GARIN1A: variants seen among roughly 807,000 people sequenced by gnomAD.
The protein encoded by GARIN1A is Golgi-associated RAB2 interactor protein 1A.
At chr7:128,674,477 TA>T in the GARIN1A span, among the ~76,000 whole-genome samples, 1 of 152,098 alleles carries the variant, frequency 6.6e-6, no homozygotes, top group African/African-American at 2.4e-5. Flanking sequence ...TTATAGTTGT[TA>T]TAGTACAGTT....
the GARIN1A span, among the ~76,000 whole-genome samples, chr7:128,693,231 A>G: frequency 6.6e-6 from 1 of 152,258 alleles, no homozygotes; most frequent in Non-Finnish European, 1.5e-5. Flanking sequence ...CCAGAAACAC[A>G]CCATATATCC....
the GARIN1A span, among the ~76,000 whole-genome samples, chr7:128,672,921 G>C: frequency 0.27 from 41,206 of 152,150 alleles, 5,943 homozygotes; most frequent in East Asian, 0.54. Flanking sequence ...ATCCTCCTCA[G>C]TCTGGGATGG....
At chr7:128,677,998 G>C in the GARIN1A span, 40 of 316,506 alleles carry the variant, frequency 1.3e-4, no homozygotes, top group Non-Finnish European at 1.6e-4. Context: ...CTAATATTAA[G>C]ACATTTAGAA....
the GARIN1A span, among the ~76,000 whole-genome samples, chr7:128,707,411 C>T: frequency 6.6e-6 from 1 of 152,090 alleles, no homozygotes; most frequent in African/African-American, 2.4e-5. Context: ...CTCATCTTCA[C>T]CTCCCTACCC....
At chr7:128,701,368 AG>A in the GARIN1A span, among the ~76,000 whole-genome samples, 2 of 19,856 alleles carry the variant, frequency 1.0e-4, no homozygotes, top group Non-Finnish European at 1.8e-4. Context: ...AGGGGAGGGG[AG>A]GGGAAGGGGA....
At chr7:128,675,964 C>A in the GARIN1A span, 1 of 737,658 alleles carries the variant, frequency 1.4e-6, no homozygotes, top group South Asian at 1.7e-5. Flanking sequence ...TTCTTTAGTG[C>A]ATAAACCCTG....
the GARIN1A span, among the ~76,000 whole-genome samples, chr7:128,699,990 C>T: frequency 6.6e-5 from 10 of 152,176 alleles, no homozygotes; most frequent in African/African-American, 2.4e-4. Flanking sequence ...GGTTTAAAGT[C>T]CATTTGACTA....
chr7:128,681,222 C>T, the GARIN1A span, among the ~76,000 whole-genome samples: 2 of 152,258 alleles, frequency 1.3e-5, no homozygotes, highest in South Asian at 4.1e-4. Context: ...ATTAAAATAT[C>T]TAATGTCTGA....
At chr7:128,677,868 T>A in the GARIN1A span, 20 of 1,423,796 alleles carry the variant, frequency 1.4e-5, no homozygotes, top group Non-Finnish European at 1.9e-5. Context: ...TAAGTATATA[T>A]GTAAGTGTCT....
At chr7:128,679,969 C>T in the GARIN1A span, 1 of 980,566 alleles carries the variant, frequency 1.0e-6, no homozygotes, top group Non-Finnish European at 1.5e-6. Flanking sequence ...AAGTTCTACC[C>T]CGAGGAGGCC....
chr7:128,683,382 G>A, the GARIN1A span: 1 of 380,370 alleles, frequency 2.6e-6, no homozygotes, highest in Non-Finnish European at 4.6e-6. Flanking sequence ...GAGAACAGGA[G>A]CAGTTTTTGG....
chr7:128,678,937 CATAT>C, the GARIN1A span, among the ~76,000 whole-genome samples: 1 of 150,570 alleles, frequency 6.6e-6, no homozygotes, highest in Admixed American at 6.7e-5. Context: ...TTGTTGCATA[CATAT>C]ATACATATGT....
the GARIN1A span, chr7:128,676,002 A>G: frequency 8.0e-6 from 5 of 624,620 alleles, no homozygotes; most frequent in South Asian, 1.0e-4. Flanking sequence ...TTTGTTTAGC[A>G]ACGATTTATT....
At chr7:128,675,710 A>C in the GARIN1A span, 1 of 1,613,832 alleles carries the variant, frequency 6.2e-7, no homozygotes, top group South Asian at 1.1e-5. Flanking sequence ...ATGTCTGTGA[A>C]GGGTCTGCCA....
the GARIN1A span, among the ~76,000 whole-genome samples, chr7:128,697,161 C>G: frequency 9.2e-5 from 14 of 152,316 alleles, no homozygotes; most frequent in African/African-American, 3.1e-4. Flanking sequence ...TTGGGATTCA[C>G]TCTGAGTGGG....
the GARIN1A span, among the ~76,000 whole-genome samples, chr7:128,676,017 A>AT: frequency 5.8e-5 from 7 of 121,052 alleles, no homozygotes; most frequent in Admixed American, 3.0e-4. Flanking sequence ...TTTATTTAGT[A>AT]TCTTTTTTTT....
chr7:128,682,983 GA>G, the GARIN1A span: 1 of 1,605,574 alleles, frequency 6.2e-7, no homozygotes, highest in Non-Finnish European at 8.5e-7. Flanking sequence ...CACTGCCATT[GA>G]AATAGACAAC....
chr7:128,679,009 T>C, the GARIN1A span, among the ~76,000 whole-genome samples: 1 of 151,462 alleles, frequency 6.6e-6, no homozygotes, highest in East Asian at 1.9e-4. Context: ...TATATACTTA[T>C]GTAACGATTG....
chr7:128,694,711 T>C, the GARIN1A span, among the ~76,000 whole-genome samples: 1 of 152,188 alleles, frequency 6.6e-6, no homozygotes, highest in South Asian at 2.1e-4. Context: ...CATGCATCTA[T>C]ATATAACAAT....
Sources: gnomAD v4.1 joint callset for allele counts (sites outside exome capture counted in the v4.1 genomes callset) on GRCh38, gnomAD v4.1.1 for gene constraint, MANE v1.5 for transcripts, NCBI Gene and HGNC (gene_info 2026-07-23, HGNC 2026-07-21) for gene names.